ZNF732: variants seen among roughly 807,000 people sequenced by gnomAD.
ZNF732 encodes the protein zinc finger protein 732, also known as zinc finger protein LOC654254.
In ZNF732, 12 loss-of-function variants were observed where a neutral mutation model predicts 11.5. The ratio of observed to expected loss-of-function variants is 1.05; its 90% CI spans 0.67 to 1.70. The LOEUF is 1.70. Among genes scored for constraint, ZNF732 ranks in the 40% most tolerant of loss-of-function variants. The pLI, the probability that ZNF732 is intolerant of heterozygous loss-of-function variation, is 0.00. For missense variants in ZNF732, 702 were observed against 676.9 expected (o/e 1.04, Z -0.41); for synonymous variants, 231 against 236.5 (o/e 0.98, Z 0.21).
intron 3 of ZNF732, among the ~76,000 whole-genome samples, chr4:295,211 C>G (rs1335330847): frequency 2.0e-5 from 3 of 152,188 alleles, no homozygotes; most frequent in African/African-American, 7.2e-5. Flanking sequence ...TGGACATTGG[C>G]TCTCCCTGTA....
At chr4:302,955 T>C (rs895305539) in intron 1 of ZNF732, among the ~76,000 whole-genome samples, 2 of 152,158 alleles carry the variant, frequency 1.3e-5, no homozygotes, top group Non-Finnish European at 2.9e-5. Flanking sequence ...ACAGACTCCA[T>C]CTTGGCTCTT....
chr4:285,185 G>GA (rs533664242), intron 3 of ZNF732, among the ~76,000 whole-genome samples: 10 of 150,786 alleles, frequency 6.6e-5, no homozygotes, highest in South Asian at 2.1e-4. Flanking sequence ...GTTTGTGAGG[G>GA]AAAAAAAAAT....
In ZNF732 at chr4:271,075, G is replaced by C; in HGVS notation, c.*24C>G. On this transcript the variant is annotated 3_prime_UTR_variant, in exon 4 of 4. Coordinates refer to ENST00000419098, the MANE Select transcript of ZNF732 (RefSeq NM_001137608.3). ...CATTCAGGTTTGTGGATCATCCAAA[G>C]GCTTTGCCACATTCTTCATATTTCT... 1 of 1,474,988 alleles carries C rather than the reference G, an allele frequency of 6.8e-7. No homozygotes were observed. 91.4% of individuals were successfully genotyped at this position (1,474,988 alleles called of 1,614,324 possible).
chr4:289,940 A>C (rs559129510), intron 3 of ZNF732, among the ~76,000 whole-genome samples: 4 of 152,324 alleles, frequency 2.6e-5, no homozygotes, highest in Admixed American at 6.5e-5. Flanking sequence ...AAACATGAAA[A>C]AACTCAAACA....
At position 296,114 on chromosome 4, in the gene ZNF732, T is replaced by C; in HGVS notation, c.45A>G (p.Pro15=). 2 of 1,613,732 alleles carry C rather than the reference T, an allele frequency of 1.2e-6. No individual in the cohort carries two copies. The highest frequency in any genetic ancestry group is 1.6e-4 in the Middle Eastern group (1 of 6,062). The change falls in exon 2 of 4, where the codon CCA becomes CCG. Residue 15 remains proline (P), a synonymous_variant. Transcript: ENST00000419098. ...TFRDVAIEFS[P]EEWKCLDPAQ... ...CAGGGTCCAGGCATTTCCACTCTTC[T>C]GGAGAGAATTCTATGGCCACATCCC...
At chr4:283,673 G>A (rs1719662500) in intron 3 of ZNF732, among the ~76,000 whole-genome samples, 1 of 152,050 alleles carries the variant, frequency 6.6e-6, no homozygotes. Flanking sequence ...GGACTATATT[G>A]CCCTACTTAA....
Position 272,135 on chromosome 4 carries a change from T to C in ZNF732, c.722A>G (p.His241Arg). 1 of 1,613,388 alleles carries C rather than the reference T, an allele frequency of 6.2e-7. No individual in the cohort carries two copies. The highest frequency in any genetic ancestry group is 8.5e-7 in the Non-Finnish European group (1 of 1,179,610). ...AGATTTCTCTCCAGTATGAACTTTA[T>C]GTTTAGCAAAGTTTGAGGATGTGGT... ...IFTTSSNFAK[H>R]KVHTGEKSYK... Residue 241 changes from histidine (H) to arginine (R), a missense_variant, in exon 4 of 4, where the codon CAT (histidine) becomes CGT (arginine). His to Arg is a conservative substitution (Grantham distance 29). Coordinates refer to ENST00000419098, the MANE Select transcript of ZNF732 (RefSeq NM_001137608.3).
rs1159484728 is a variant in ZNF732 at position 271,093 on chromosome 4, A to C, written c.*6T>G. ...ATCCAAAGGCTTTGCCACATTCTTCATATTTCTAGAGTTTCTCTCCAGTAT... is the reference window on the plus strand; with the variant it reads ...ATCCAAAGGCTTTGCCACATTCTTCCTATTTCTAGAGTTTCTCTCCAGTAT... On this transcript the variant is annotated 3_prime_UTR_variant, in exon 4 of 4. Transcript: ENST00000419098. 6.7e-7 allele frequency: 1 copy of C among 1,501,702 alleles called. No individual in the cohort carries two copies. Among genetic ancestry groups the C allele is most frequent in the East Asian group, 2.4e-5 (1 of 41,614 alleles). The allele number at this position is 1,501,702 out of a possible 1,614,324, so 93.0% of individuals were successfully genotyped here.
rs150800339 is a variant in ZNF732 at position 295,970 on chromosome 4, A to T, written c.130+59T>A. Reference sequence around the variant, plus strand: ...AGGTTCCCAAGAGACATTCTACAAAAATAGAAAATAAAACTCCCTGAGGGA... The same window carrying T: ...AGGTTCCCAAGAGACATTCTACAAATATAGAAAATAAAACTCCCTGAGGGA... On this transcript the variant is annotated intron_variant, in intron 2 of 3. Coordinates refer to ENST00000419098, the MANE Select transcript of ZNF732 (RefSeq NM_001137608.3). 5.5e-4 allele frequency: 867 copies of T among 1,570,190 alleles called. 3 individuals carry two copies. The highest frequency in any genetic ancestry group is 2.0e-3 in the Middle Eastern group (12 of 5,900).
At chr4:293,835 T>C (rs1384729874) in intron 3 of ZNF732, among the ~76,000 whole-genome samples, 2 of 152,092 alleles carry the variant, frequency 1.3e-5, no homozygotes, top group African/African-American at 2.4e-5. Flanking sequence ...AATATAGTTA[T>C]ACTATTTTTA....
intron 3 of ZNF732, among the ~76,000 whole-genome samples, chr4:287,882 G>A (rs1394278807): frequency 1.3e-5 from 2 of 151,872 alleles, no homozygotes; most frequent in African/African-American, 2.4e-5. Context: ...TTTTTCAGGT[G>A]GTTGCATCAC....
chr4:290,184 A>T (rs1427153129), intron 3 of ZNF732, among the ~76,000 whole-genome samples: 1 of 152,242 alleles, frequency 6.6e-6, no homozygotes, highest in Non-Finnish European at 1.5e-5. Context: ...GCCTATAGTT[A>T]GGGTTGTGAA....
intron 3 of ZNF732, among the ~76,000 whole-genome samples, chr4:287,652 T>TA (rs1393242199): frequency 1.3e-4 from 19 of 148,668 alleles, no homozygotes; most frequent in East Asian, 9.8e-4. Context: ...TATATATATA[T>TA]TTTTTTTTGA....
In ZNF732 at chr4:271,089, C is replaced by T; in HGVS notation, c.*10G>A. ...GATCATCCAAAGGCTTTGCCACATT[C>T]TTCATATTTCTAGAGTTTCTCTCCA... On this transcript the variant is annotated 3_prime_UTR_variant, in exon 4 of 4. Transcript: ENST00000419098. 1 of 1,497,802 alleles carries T rather than the reference C, an allele frequency of 6.7e-7. No individual in the cohort carries two copies. Among genetic ancestry groups the T allele is most frequent in the Non-Finnish European group, 8.9e-7 (1 of 1,125,926 alleles). The allele number at this position is 1,497,802 out of a possible 1,614,324, so 92.8% of individuals were successfully genotyped here. A position where few individuals can be genotyped will look rare whatever the true frequency, so the allele number is the denominator to read the frequency against.
chr4:300,119 C>G (rs1581550176), intron 1 of ZNF732, among the ~76,000 whole-genome samples: 1 of 151,564 alleles, frequency 6.6e-6, no homozygotes, highest in Admixed American at 6.6e-5. Flanking sequence ...TATACATTAA[C>G]ATATAAGGTG....
chr4:282,251 G>A (rs1719633471), intron 3 of ZNF732, among the ~76,000 whole-genome samples: 1 of 152,158 alleles, frequency 6.6e-6, no homozygotes, highest in South Asian at 2.1e-4. Flanking sequence ...GTTGAAAGGA[G>A]TAAAACTGTT....
intron 1 of ZNF732, among the ~76,000 whole-genome samples, chr4:300,011 A>G (rs1720081062): frequency 6.6e-6 from 1 of 151,158 alleles, no homozygotes; most frequent in African/African-American, 2.4e-5. Flanking sequence ...GCTGACGAGT[A>G]TATTTTTAAA....
chr4:272,905 C>G (rs1295746100), intron 3 of ZNF732, among the ~76,000 whole-genome samples: 5 of 152,076 alleles, frequency 3.3e-5, no homozygotes, highest in Non-Finnish European at 7.4e-5. Context: ...ATTTACCAAC[C>G]ACAGTTCTTC....
At position 271,140 on chromosome 4, in the gene ZNF732, G is replaced by T. The variant is rs1553837166; in HGVS notation, c.1717C>A (p.Leu573Ile). 1 of 1,537,998 alleles carries T rather than the reference G, an allele frequency of 6.5e-7. No individual in the cohort carries two copies. Among genetic ancestry groups the T allele is most frequent in the South Asian group, 1.2e-5 (1 of 82,128 alleles). The change falls in exon 4 of 4, where the codon CTT becomes ATT. Residue 573 changes from leucine to isoleucine, a missense_variant. This residue lies in a region of ZNF732 where 94 missense variants were observed against 87.5 expected (regional missense o/e 1.07). Transcript: ENST00000419098. Reference protein sequence around the residue: ...CGKAFKWSSYLNQHNKIYTGE... With the variant: ...CGKAFKWSSYINQHNKIYTGE... ...GTATAAATTTTATTATGTTGATTAA[G>T]GTATGAGGACCACTTAAAGGCTTTG... is the stretch of plus-strand genomic sequence containing the variant.
Sources: gnomAD v4.1 joint callset for allele counts (sites outside exome capture counted in the v4.1 genomes callset) on GRCh38, gnomAD v4.1.1 for gene constraint, gnomAD v4.1.1 regional missense constraint, MANE v1.5 for transcripts, NCBI Gene and HGNC (gene_info 2026-07-23, HGNC 2026-07-21) for gene names.